RANBP17: variants seen among roughly 807,000 people sequenced by gnomAD.
RANBP17 encodes RAN binding protein 17.
RANBP17 carries 158 observed loss-of-function variants against 141.2 expected under a neutral mutation model. The ratio of observed to expected loss-of-function variants is 1.12; its 90% confidence interval spans 0.98 to 1.28. The LOEUF (loss-of-function observed/expected upper bound fraction) is 1.28, where lower values mean the gene tolerates loss of function less well. Among genes scored for constraint, RANBP17 ranks in the 50% most tolerant of loss-of-function variants. The probability of loss-of-function intolerance (pLI) is 0.00; values close to 1 mark genes in which losing one functional copy is unlikely to be tolerated. For missense variants in RANBP17, 1,438 were observed against 1,290.7 expected (o/e 1.11, Z -1.75); for synonymous variants, 430 against 450.0 (o/e 0.96, Z 0.56).
chr5:170,920,483 C>T (rs964024119), intron 11 of RANBP17, among the ~76,000 whole-genome samples: 3 of 148,508 alleles, frequency 2.0e-5, no homozygotes, highest in Admixed American at 6.9e-5. Flanking sequence ...AAATCCATTT[C>T]CCATTTTTTA....
At chr5:171,226,374 CA>C (rs1459152028) in intron 22 of RANBP17, among the ~76,000 whole-genome samples, 1 of 152,132 alleles carries the variant, frequency 6.6e-6, no homozygotes, top group Non-Finnish European at 1.5e-5. Flanking sequence ...GAACTGCCTT[CA>C]TTCTTTCCTT....
At chr5:171,294,932 G>A (rs1384361992) in intron 26 of RANBP17, among the ~76,000 whole-genome samples, 1 of 152,172 alleles carries the variant, frequency 6.6e-6, no homozygotes, top group Non-Finnish European at 1.5e-5. Context: ...TATTTGGTGT[G>A]AGTCACTGCA....
At chr5:171,119,483 GC>G (rs546646177) in intron 14 of RANBP17, among the ~76,000 whole-genome samples, 190 of 152,244 alleles carry the variant, frequency 1.2e-3, no homozygotes, top group South Asian at 0.012. Context: ...AAGCAGTGAA[GC>G]CATCTGCTCC....
chr5:171,224,338 T>G (rs1259797932), intron 22 of RANBP17, among the ~76,000 whole-genome samples: 1 of 152,262 alleles, frequency 6.6e-6, no homozygotes, highest in Non-Finnish European at 1.5e-5. Flanking sequence ...AGTTGTGTCA[T>G]TCCTACCCCT....
At chr5:170,936,591 T>C (rs541960771) in intron 12 of RANBP17, among the ~76,000 whole-genome samples, 1 of 152,324 alleles carries the variant, frequency 6.6e-6, no homozygotes, top group Non-Finnish European at 1.5e-5. Flanking sequence ...TCAAGTATCA[T>C]TTTGTGTGAT....
At chr5:171,140,450 A>G (rs1013837356) in intron 14 of RANBP17, among the ~76,000 whole-genome samples, 1 of 152,204 alleles carries the variant, frequency 6.6e-6, no homozygotes, top group African/African-American at 2.4e-5. Context: ...TGGAACTACA[A>G]CTGAGTACAT....
chr5:171,171,866 A>G (rs1760123996), intron 16 of RANBP17, among the ~76,000 whole-genome samples: 1 of 151,958 alleles, frequency 6.6e-6, no homozygotes, highest in Non-Finnish European at 1.5e-5. Flanking sequence ...ATTCCCCATT[A>G]TACATTAAAT....
chr5:171,056,766 T>A (rs1367608798), intron 14 of RANBP17, among the ~76,000 whole-genome samples: 1 of 151,912 alleles, frequency 6.6e-6, no homozygotes, highest in Non-Finnish European at 1.5e-5. Context: ...CACTTGATAT[T>A]GTAAAATCAA....
At chr5:170,987,335 A>G (rs1443667217) in intron 14 of RANBP17, among the ~76,000 whole-genome samples, 1 of 151,536 alleles carries the variant, frequency 6.6e-6, no homozygotes, top group Non-Finnish European at 1.5e-5. Context: ...ACTACCATAT[A>G]CTGAATAAAT....
At chr5:170,973,478 T>G (rs1263381889) in intron 14 of RANBP17, among the ~76,000 whole-genome samples, 1 of 152,186 alleles carries the variant, frequency 6.6e-6, no homozygotes, top group African/African-American at 2.4e-5. Flanking sequence ...AAAACTCCTG[T>G]GAATCAGAAA....
At chr5:171,021,832 AT>A (rs1373257474) in intron 14 of RANBP17, among the ~76,000 whole-genome samples, 43 of 152,278 alleles carry the variant, frequency 2.8e-4, no homozygotes, top group African/African-American at 1.0e-3. Flanking sequence ...TGTTGCGATA[AT>A]TTGGAGAAGA....
chr5:170,990,660 TTTG>T (rs1466307160), intron 14 of RANBP17, among the ~76,000 whole-genome samples: 4 of 151,984 alleles, frequency 2.6e-5, no homozygotes, highest in African/African-American at 9.7e-5. Flanking sequence ...AGCAGGCAGT[TTTG>T]AAATTGTGCT....
At chr5:170,929,626 T>C (rs116146913) in intron 12 of RANBP17, among the ~76,000 whole-genome samples, 1,542 of 152,296 alleles carry the variant, frequency 0.01, 18 homozygotes, top group Non-Finnish European at 0.014. Flanking sequence ...TGCAACACTT[T>C]TGTTATTTTA....
intron 14 of RANBP17, among the ~76,000 whole-genome samples, chr5:171,024,545 GA>G (rs1257468345): frequency 6.6e-6 from 1 of 152,160 alleles, no homozygotes; most frequent in Non-Finnish European, 1.5e-5. Flanking sequence ...TGATTGAGCT[GA>G]GATCACCACT....
intron 14 of RANBP17, among the ~76,000 whole-genome samples, chr5:170,982,428 T>G (rs940505730): frequency 6.6e-6 from 1 of 151,970 alleles, no homozygotes; most frequent in Non-Finnish European, 1.5e-5. Context: ...AATAGGAAAT[T>G]GGAGGAAAAC....
chr5:170,956,996 G>A (rs1352041244), intron 13 of RANBP17, among the ~76,000 whole-genome samples: 3 of 151,296 alleles, frequency 2.0e-5, no homozygotes, highest in African/African-American at 7.3e-5. Flanking sequence ...CGTGAACCCC[G>A]GAGGCAGAGC....
At chr5:170,874,608 T>C (rs1768016957) in intron 1 of RANBP17, among the ~76,000 whole-genome samples, 1 of 152,218 alleles carries the variant, frequency 6.6e-6, no homozygotes, top group South Asian at 2.1e-4. Flanking sequence ...TTGATCTTTG[T>C]TGGTTTAAAG....
chr5:171,125,476 G>A (rs1756381045), intron 14 of RANBP17, among the ~76,000 whole-genome samples: 1 of 151,468 alleles, frequency 6.6e-6, no homozygotes, highest in East Asian at 1.9e-4. Flanking sequence ...TATAATAGTT[G>A]TAAATATATA....
At chr5:170,988,528 C>A (rs549618194) in intron 14 of RANBP17, among the ~76,000 whole-genome samples, 18 of 151,662 alleles carry the variant, frequency 1.2e-4, no homozygotes, top group Middle Eastern at 6.8e-3. Context: ...CTAAATTTTA[C>A]GACTTGAAAA....
Sources: gnomAD v4.1 joint callset for allele counts (sites outside exome capture counted in the v4.1 genomes callset) on GRCh38, gnomAD v4.1.1 for gene constraint, MANE v1.5 for transcripts, NCBI Gene and HGNC (gene_info 2026-07-23, HGNC 2026-07-21) for gene names.